The following GRIA4 variants were observed in gnomAD, a reference collection of about 807,000 sequenced individuals.
GRIA4 encodes glutamate ionotropic receptor AMPA type subunit 4.
Under a neutral mutation model 104.0 loss-of-function variants are expected in GRIA4, and 34 were observed. That is an observed-to-expected ratio of 0.33 (90% CI 0.25 to 0.44). The LOEUF is 0.44. Among genes scored for constraint, GRIA4 ranks in the 20% least tolerant of loss-of-function variants. The probability of loss-of-function intolerance (pLI) is 1.00; values close to 1 mark genes in which losing one functional copy is unlikely to be tolerated. For synonymous variants in GRIA4, 386 were observed against 381.9 expected, an observed-to-expected ratio of 1.01 and a Z score of -0.13; for missense variants, 750 against 1,096.5, an observed-to-expected ratio of 0.68 and a Z score of 4.46.
At chr11:105,816,651 T>C (rs1367060020) in intron 4 of GRIA4, among the ~76,000 whole-genome samples, 1 of 152,130 alleles carries the variant, frequency 6.6e-6, no homozygotes, top group East Asian at 1.9e-4. Context: ...GCCTAATACA[T>C]GATGTCTCAT....
At position 105,917,589 on chromosome 11, in the gene GRIA4, C is replaced by A. The variant is rs77399575; in HGVS notation, c.1270-1123C>A. Among the ~76,000 whole-genome samples, 5 of 152,024 alleles carry A rather than the reference C, an allele frequency of 3.3e-5. No homozygotes were observed. In the South Asian group the frequency reaches 1.0e-3, roughly 32 times the overall value. On this transcript the variant is annotated intron_variant, in intron 10 of 16. Transcript: ENST00000282499. ...AGATTACCAAATAAATGTTACAGTA[C>A]AATTTTATAAAATATGAATACATTA...
intron 7 of GRIA4, among the ~76,000 whole-genome samples, chr11:105,902,211 A>T (rs1243297211): frequency 6.6e-6 from 1 of 152,218 alleles, no homozygotes; most frequent in African/African-American, 2.4e-5. Context: ...ATACTATTGA[A>T]CAGTTCTTTG....
intron 13 of GRIA4, among the ~76,000 whole-genome samples, chr11:105,931,265 TACAC>T (rs373334457): frequency 0.046 from 6,647 of 143,636 alleles, 377 homozygotes; most frequent in African/African-American, 0.14. Context: ...ATTGCCTAAA[TACAC>T]ACACACACAC....
chr11:105,745,966 C>T (rs73630131), intron 3 of GRIA4, among the ~76,000 whole-genome samples: 4,008 of 152,082 alleles, frequency 0.026, 196 homozygotes, highest in African/African-American at 0.091. Context: ...ATCCTATTTC[C>T]GTAACTAAAA....
chr11:105,813,449 C>A (rs1211571996), intron 4 of GRIA4, among the ~76,000 whole-genome samples: 1 of 151,940 alleles, frequency 6.6e-6, no homozygotes. Context: ...TACAGACAAC[C>A]CTGCTTGTAC....
At chr11:105,786,585 T>C (rs1308856226) in intron 4 of GRIA4, among the ~76,000 whole-genome samples, 3 of 152,168 alleles carry the variant, frequency 2.0e-5, no homozygotes, top group Admixed American at 6.5e-5. Context: ...AAAAGATAAA[T>C]ATTACATAGT....
rs189218754 is a variant in GRIA4 at position 105,933,822 on chromosome 11, G to A, written c.2147G>A (p.Arg716His). 9 of 1,613,282 alleles carry A rather than the reference G, an allele frequency of 5.6e-6. No homozygotes were observed. Among genetic ancestry groups the A allele is most frequent in the Non-Finnish European group, 7.6e-6 (9 of 1,179,476 alleles). Residue 716 changes from arginine (R) to histidine (H), a missense_variant, in exon 14 of 17, where the codon CGC becomes CAC. By Grantham distance (29) the Arg-to-His change is conservative (BLOSUM62 0). Around this residue, in one of 3 missense-constraint regions of GRIA4, gnomAD observed 272 missense variants for 524.5 expected, o/e 0.52. Transcript: ENST00000282499. ...ACAGCTGAGGGAGTAGCTCGTGTCC[G>A]CAAATCCAAGGGCAAATTTGCCTTT... ...RTTAEGVARV[R>H]KSKGKFAFLL... is the part of the protein sequence containing the mutation.
At chr11:105,848,790 T>C (rs1944687925) in intron 4 of GRIA4, among the ~76,000 whole-genome samples, 1 of 152,126 alleles carries the variant, frequency 6.6e-6, no homozygotes, top group Non-Finnish European at 1.5e-5. Flanking sequence ...TTCACCACCA[T>C]AAGTCGGAAC....
chr11:105,672,914 T>G (rs763910073), intron 3 of GRIA4, among the ~76,000 whole-genome samples: 11 of 152,104 alleles, frequency 7.2e-5, no homozygotes, highest in Non-Finnish European at 1.5e-4. Flanking sequence ...CATTTAAAAT[T>G]TTATTTTTAA....
chr11:105,747,027 C>T (rs1396960014), intron 3 of GRIA4, among the ~76,000 whole-genome samples: 1 of 152,124 alleles, frequency 6.6e-6, no homozygotes, highest in African/African-American at 2.4e-5. Context: ...TTGAGTTCTG[C>T]ATAAAAAGTA....
At chr11:105,667,403 T>C (rs1047445436) in intron 3 of GRIA4, among the ~76,000 whole-genome samples, 1 of 151,980 alleles carries the variant, frequency 6.6e-6, no homozygotes, top group South Asian at 2.1e-4. Flanking sequence ...TTTGAGAAAA[T>C]GGTTTTGAAA....
At chr11:105,871,701 A>AT in intron 5 of GRIA4, among the ~76,000 whole-genome samples, 1 of 151,994 alleles carries the variant, frequency 6.6e-6, no homozygotes, top group Non-Finnish European at 1.5e-5. Context: ...ATCTGCTGAA[A>AT]TAAAAGCAAA....
At chr11:105,760,978 G>T (rs958104115) in intron 4 of GRIA4, among the ~76,000 whole-genome samples, 1 of 152,038 alleles carries the variant, frequency 6.6e-6, no homozygotes, top group African/African-American at 2.4e-5. Flanking sequence ...TTGAAATACA[G>T]TGCAAGACCT....
chr11:105,787,819 T>C (rs1361678115), intron 4 of GRIA4, among the ~76,000 whole-genome samples: 2 of 152,188 alleles, frequency 1.3e-5, no homozygotes, highest in South Asian at 2.1e-4. Flanking sequence ...GCTTAACTAC[T>C]GTTTGTTTCT....
At chr11:105,687,348 T>C (rs1761867639) in intron 3 of GRIA4, among the ~76,000 whole-genome samples, 2 of 152,098 alleles carry the variant, frequency 1.3e-5, no homozygotes, top group Admixed American at 6.6e-5. Context: ...CGTCAATGTT[T>C]ATTATTATTA....
intron 3 of GRIA4, among the ~76,000 whole-genome samples, chr11:105,623,053 G>GTATATATGTA (rs1950791109): frequency 7.8e-6 from 1 of 127,688 alleles, no homozygotes; most frequent in African/African-American, 2.9e-5. Flanking sequence ...GTATTCCATT[G>GTATATATGTA]TATATATATA....
intron 4 of GRIA4, among the ~76,000 whole-genome samples, chr11:105,801,789 T>G (rs1368668602): frequency 6.6e-6 from 1 of 152,094 alleles, no homozygotes; most frequent in Non-Finnish European, 1.5e-5. Context: ...AAAATGGAAT[T>G]GAGTTCCTTG....
intron 4 of GRIA4, among the ~76,000 whole-genome samples, chr11:105,821,041 T>C (rs1295514472): frequency 2.6e-5 from 4 of 152,156 alleles, no homozygotes; most frequent in Admixed American, 1.3e-4. Flanking sequence ...CATTGACCTC[T>C]CTTCCTCACT....
chr11:105,629,157 C>T (rs1950966761), intron 3 of GRIA4, among the ~76,000 whole-genome samples: 2 of 151,388 alleles, frequency 1.3e-5, no homozygotes, highest in African/African-American at 4.9e-5. Flanking sequence ...AGCAGGATCC[C>T]TTGAGCCCAG....
Sources: gnomAD v4.1 joint callset for allele counts (sites outside exome capture counted in the v4.1 genomes callset) on GRCh38, gnomAD v4.1.1 for gene constraint, gnomAD v4.1.1 regional missense constraint, MANE v1.5 for transcripts, NCBI Gene and HGNC (gene_info 2026-07-23, HGNC 2026-07-21) for gene names.